Variants in PIP observed in about 807,000 individuals in gnomAD.
PIP encodes prolactin-inducible protein.
Under a neutral mutation model 12.8 loss-of-function variants are expected in PIP, and 9 were observed. The ratio of observed to expected loss-of-function variants is 0.70; its 90% CI spans 0.42 to 1.23. The LOEUF (loss-of-function observed/expected upper bound fraction) is 1.23. Ranked by LOEUF, PIP falls within the 50% of genes most tolerant of loss-of-function variation. PIP has a pLI of 0.00. For missense variants in PIP, 172 were observed against 179.5 expected, an observed-to-expected ratio of 0.96 and a Z score of 0.24; for synonymous variants, 60 against 66.1, an observed-to-expected ratio of 0.91 and a Z score of 0.45.
At chr7:143,135,703 G>A (rs1799303139) in intron 2 of PIP, among the ~76,000 whole-genome samples, 1 of 151,960 alleles carries the variant, frequency 6.6e-6, no homozygotes, top group Non-Finnish European at 1.5e-5. Flanking sequence ...GTGGGCAGAA[G>A]AGGACATGCA....
rs1008050040 is a variant in PIP, at chr7:143,139,632, A to G, written c.431A>G (p.Lys144Arg). 4 of 1,609,684 alleles carry G rather than the reference A, an allele frequency of 2.5e-6. No individual in the cohort carries two copies. Among genetic ancestry groups the G allele is most frequent in the South Asian group, 1.1e-5 (1 of 90,936 alleles). ...NNRFYTIEIL[K>R]VE Reference sequence around the variant, plus strand: ...CGGTTTTATACTATTGAAATCCTAAAGGTAGAATAATGGAAGCCCTGTCTG... The same window carrying G: ...CGGTTTTATACTATTGAAATCCTAAGGGTAGAATAATGGAAGCCCTGTCTG... Residue 144 changes from lysine to arginine, a missense_variant, in exon 4 of 4, where the codon AAG becomes AGG. Physicochemically the swap from Lys to Arg is conservative, Grantham distance 26 (BLOSUM62 2). Coordinates refer to ENST00000291009, the MANE Select transcript of PIP (RefSeq NM_002652.3).
intron 1 of PIP, 27 bp from the exon 2 acceptor site, chr7:143,135,167 G>A: frequency 8.0e-7 from 1 of 1,244,562 alleles, no homozygotes; most frequent in Non-Finnish European, 1.2e-6. Context: ...TGATCCTGGT[G>A]TTCTGATTCT....
At chr7:143,138,833 A>G (rs1395080954) in intron 2 of PIP, among the ~76,000 whole-genome samples, 1 of 152,144 alleles carries the variant, frequency 6.6e-6, no homozygotes, top group East Asian at 1.9e-4. Flanking sequence ...ATTCACTTGC[A>G]TCCCTATCTC....
rs914189279 is a variant in PIP, at chr7:143,139,696, C to T, written c.*54C>T. ...GGTGATTTCCTCTAAAGAAACTTGGCTGGAATTTCTGCTGTGGTCTATAAA... is the reference window on the plus strand; with the variant it reads ...GGTGATTTCCTCTAAAGAAACTTGGTTGGAATTTCTGCTGTGGTCTATAAA... On this transcript the variant is annotated 3_prime_UTR_variant, in exon 4 of 4. Transcript: ENST00000291009. 1 of 1,537,808 alleles carries T rather than the reference C, an allele frequency of 6.5e-7. No individual in the cohort carries two copies. The highest frequency in any genetic ancestry group is 1.7e-5 in the Admixed American group (1 of 57,696).
chr7:143,132,777 G>A (rs1414021450), intron 1 of PIP, among the ~76,000 whole-genome samples: 5 of 152,086 alleles, frequency 3.3e-5, no homozygotes, highest in African/African-American at 9.7e-5. Context: ...TGAGAGCACA[G>A]GTTCAGAAGT....
intron 2 of PIP, 66 bp downstream of exon 2, chr7:143,135,365 A>C (rs1221827767): frequency 2.7e-6 from 2 of 740,136 alleles, no homozygotes; most frequent in Non-Finnish European, 4.8e-6. Context: ...AACATAATTT[A>C]ATCTCTCACT....
At chr7:143,137,017 A>AT (rs917615496) in intron 2 of PIP, among the ~76,000 whole-genome samples, 2 of 151,722 alleles carry the variant, frequency 1.3e-5, no homozygotes, top group Non-Finnish European at 2.9e-5. Context: ...TCTAATCCTC[A>AT]TTTTTTATCA....
intron 2 of PIP, among the ~76,000 whole-genome samples, chr7:143,137,729 G>C (rs1036831458): frequency 6.6e-5 from 10 of 151,894 alleles, no homozygotes; most frequent in African/African-American, 2.4e-4. Flanking sequence ...GTGAAACCCT[G>C]TCTCTACTAA....
intron 2 of PIP, among the ~76,000 whole-genome samples, chr7:143,138,604 A>C (rs141475598): frequency 7.7e-4 from 117 of 152,282 alleles, no homozygotes; most frequent in Non-Finnish European, 1.3e-3. Context: ...TCATCACCAA[A>C]GGTCACCAAG....
intron 1 of PIP, among the ~76,000 whole-genome samples, chr7:143,133,685 C>A (rs921601000): frequency 2.0e-5 from 3 of 151,976 alleles, no homozygotes; most frequent in Non-Finnish European, 4.4e-5. Context: ...GCCATATGTC[C>A]AAATTTCCTA....
rs568822781 is a variant in PIP, at chr7:143,137,851, G to A, written c.202-1224G>A. ...GGAGGCGGAGGTTGCAGTGAGCCACGTTCGCACCATTGCACTCCAGCCTGG... is the reference window on the plus strand; with the variant it reads ...GGAGGCGGAGGTTGCAGTGAGCCACATTCGCACCATTGCACTCCAGCCTGG... On this transcript the variant is annotated intron_variant, in intron 2 of 3. Transcript: ENST00000291009. 1.9e-4 allele frequency among the ~76,000 whole-genome samples: 29 copies of A among 151,196 alleles called. No homozygotes were observed. The East Asian group carries it at 4.7e-3, about 24-fold the overall frequency.
intron 2 of PIP, 73 bp from the exon 3 acceptor site, chr7:143,139,002 T>C: frequency 1.2e-6 from 1 of 806,438 alleles, no homozygotes; most frequent in Non-Finnish European, 2.2e-6. Flanking sequence ...GGCTTTTCCC[T>C]CTCCTATTTT....
At chr7:143,134,793 G>C (rs918949489) in intron 1 of PIP, among the ~76,000 whole-genome samples, 2 of 151,754 alleles carry the variant, frequency 1.3e-5, no homozygotes, top group Admixed American at 1.3e-4. Flanking sequence ...GAAGATGCTC[G>C]TTCATTGATG....
intron 2 of PIP, among the ~76,000 whole-genome samples, chr7:143,136,013 G>A (rs1221788964): frequency 6.6e-6 from 1 of 152,022 alleles, no homozygotes; most frequent in Non-Finnish European, 1.5e-5. Flanking sequence ...GACGCCCAAG[G>A]TACACCAAGG....
chr7:143,135,925 C>G (rs1482787686), intron 2 of PIP, among the ~76,000 whole-genome samples: 3 of 152,024 alleles, frequency 2.0e-5, no homozygotes, highest in African/African-American at 7.2e-5. Flanking sequence ...GTGTCTAAAA[C>G]TCACTCGGGG....
At chr7:143,134,183 CATATATATATATATATATATAT>C (rs60656573) in intron 1 of PIP, among the ~76,000 whole-genome samples, 1,528 of 41,666 alleles carry the variant, frequency 0.037, 75 homozygotes, top group Middle Eastern at 0.1. Context: ...AGTATTCCAT[CATATATATATATATATATATAT>C]ATATATATAT....
intron 1 of PIP, 128 bp downstream of exon 1, chr7:143,132,339 A>AT: frequency 9.7e-7 from 1 of 1,028,916 alleles, no homozygotes; most frequent in Non-Finnish European, 1.4e-6. Context: ...AGGAGCTCCC[A>AT]TGGATCTCCT....
At position 143,139,607 on chromosome 7, in the gene PIP, C is replaced by T. The variant is rs747198857; in HGVS notation, c.406C>T (p.Arg136Trp). ...TGCTGTAATCCCCATCAAAAACAAC[C>T]GGTTTTATACTATTGAAATCCTAAA... ...DAAVIPIKNN[R>W]FYTIEILKVE The change falls in exon 4 of 4, where the codon CGG (arginine) becomes TGG (tryptophan). Residue 136 changes from arginine to tryptophan, a missense_variant. By Grantham distance (101) the Arg-to-Trp change is moderately radical. Transcript: ENST00000291009. The T allele has an allele frequency of 1.2e-5, 20 of 1,612,290 alleles. No homozygotes were observed. Among genetic ancestry groups the T allele is most frequent in the African/African-American group, 9.3e-5 (7 of 74,874 alleles).
chr7:143,137,903 GA>G (rs60977776), intron 2 of PIP, among the ~76,000 whole-genome samples: 21,568 of 130,468 alleles, frequency 0.17, 2,710 homozygotes, highest in African/African-American at 0.36. Flanking sequence ...CTGTCTCTTA[GA>G]AAAAAAAAAA....
Sources: gnomAD v4.1 joint callset for allele counts (sites outside exome capture counted in the v4.1 genomes callset) on GRCh38, gnomAD v4.1.1 for gene constraint, MANE v1.5 for transcripts, NCBI Gene and HGNC (gene_info 2026-07-23, HGNC 2026-07-21) for gene names.